The following SF3A1 variants were observed in gnomAD, a reference collection of about 807,000 sequenced individuals.
SF3A1 encodes splicing factor 3a subunit 1, also known as SAP 114.
Under a neutral mutation model 89.9 loss-of-function variants are expected in SF3A1, and 13 were observed. The observed-to-expected ratio is 0.14, with a 90% CI of 0.09 to 0.23. The LOEUF is 0.23. Among genes scored for constraint, SF3A1 ranks in the 10% least tolerant of loss-of-function variants. The pLI is 1.00. For missense variants in SF3A1, 604 were observed against 1,022.1 expected (o/e 0.59, Z 5.58); for synonymous variants, 405 against 374.4 (o/e 1.08, Z -0.94).
chr22:30,351,875 G>A (rs147424895), intron 2 of SF3A1, among the ~76,000 whole-genome samples: 5 of 152,358 alleles, frequency 3.3e-5, no homozygotes, highest in African/African-American at 9.6e-5. Context: ...TCTGTAGGCT[G>A]GACATGGACT....
At chr22:30,356,662 T>G (rs933220610) in intron 1 of SF3A1, 68 bp downstream of exon 1, 6 of 1,244,418 alleles carry the variant, frequency 4.8e-6, no homozygotes, top group African/African-American at 1.6e-5. Flanking sequence ...CGGCCGCTTA[T>G]TCCTGTGCGA....
chr22:30,342,131 C>T, intron 6 of SF3A1, 69 bp downstream of exon 6: 1 of 1,566,596 alleles, frequency 6.4e-7, no homozygotes, highest in South Asian at 1.1e-5. Flanking sequence ...TCTGGGAACA[C>T]CTGCACCAGG....
In SF3A1 at chr22:30,340,381, G is replaced by A. The variant is rs746885212; in HGVS notation, c.1190C>T (p.Ala397Val). 6.2e-7 allele frequency: 1 copy of A among 1,611,254 alleles called. No individual in the cohort carries two copies. The highest frequency in any genetic ancestry group is 8.5e-7 in the Non-Finnish European group (1 of 1,179,338). Residue 397 changes from alanine to valine, a missense_variant and splice_region_variant, in exon 9 of 16, where the codon GCC becomes GTC. Around this residue, in one of 9 missense-constraint regions of SF3A1, gnomAD observed 146 missense variants for 228.5 expected, o/e 0.64. Transcript: ENST00000215793. ...AGGGGCTGGAGGCAAGGGCTTGGAG[G>A]CTAAAAGGAAACAGATGTTTCAGTA... ...VIVRKDYDPK[A>V]SKPLPPAPAP...
At chr22:30,339,975 C>A (rs1007137200) in intron 9 of SF3A1, among the ~76,000 whole-genome samples, 1 of 152,204 alleles carries the variant, frequency 6.6e-6, no homozygotes, top group Non-Finnish European at 1.5e-5. Flanking sequence ...AGAGCTTGCT[C>A]TGGGATGTCA....
chr22:30,354,040 T>C (rs1931683666), intron 1 of SF3A1, among the ~76,000 whole-genome samples: 2 of 152,202 alleles, frequency 1.3e-5, no homozygotes, highest in Non-Finnish European at 2.9e-5. Context: ...TACTCCACTG[T>C]CTTAACCAAC....
At chr22:30,342,023 C>G (rs1390234289) in intron 6 of SF3A1, 138 bp from the exon 7 acceptor site, 1 of 1,146,128 alleles carries the variant, frequency 8.7e-7, no homozygotes, top group Non-Finnish European at 1.2e-6. Flanking sequence ...CTGGCAAGTA[C>G]GTATTGAATC....
chr22:30,341,869 G>A lies in SF3A1; in HGVS notation c.894C>T (p.Pro298=), dbSNP rs36085017. The A allele has an allele frequency of 3.7e-4, 591 of 1,612,726 alleles. 2 individuals carry two copies. The African/African-American group carries it at 6.7e-3, about 18-fold the overall frequency. Residue 298 remains proline (P), a synonymous_variant, in exon 7 of 16, where the codon CCC becomes CCT. Coordinates refer to ENST00000215793, the MANE Select transcript of SF3A1 (RefSeq NM_005877.6). The part of the protein sequence containing the change: ...QPNEQGNFPP[P]TTPEELGARI... ...GGGCCCCCAGCTCCTCTGGCGTGGT[G>A]GGGGGAGGGAAGTTCCCTAGAGGGT...
chr22:30,344,374 C>T (rs1050337324), intron 4 of SF3A1, among the ~76,000 whole-genome samples: 5 of 152,200 alleles, frequency 3.3e-5, no homozygotes, highest in Non-Finnish European at 7.3e-5. Context: ...CTCTCAACAC[C>T]TATTTAAATG....
intron 1 of SF3A1, among the ~76,000 whole-genome samples, chr22:30,353,650 T>C (rs1931668059): frequency 2.0e-5 from 3 of 152,196 alleles, no homozygotes; most frequent in Non-Finnish European, 4.4e-5. Context: ...GCTTACTTGA[T>C]CTATTATGAC....
At chr22:30,352,887 G>A in intron 2 of SF3A1, 64 bp downstream of exon 2, 1 of 1,588,162 alleles carries the variant, frequency 6.3e-7, no homozygotes, top group South Asian at 1.1e-5. Flanking sequence ...CCCTTGTGCT[G>A]ATTCAGTGCT....
rs1231533064 is a variant in SF3A1, at chr22:30,332,921, A to T, written c.*1673T>A. 1 of 152,284 alleles carries T rather than the reference A, an allele frequency of 6.6e-6. No individual in the cohort carries two copies. The highest frequency in any genetic ancestry group is 1.5e-5 in the Non-Finnish European group (1 of 68,090). 9.4% of individuals were successfully genotyped at this position (152,284 alleles called of 1,614,324 possible). A position where few individuals can be genotyped will look rare whatever the true frequency, so the allele number is the denominator to read the frequency against. The stretch of plus-strand genomic sequence containing the variant: ...ACACCATGAACTGCCCACTGCTCCC[A>T]GAAAGAAAGAAGAACTTGGAATATG... On this transcript the variant is annotated 3_prime_UTR_variant, in exon 16 of 16. Transcript: ENST00000215793.
chr22:30,344,915 C>G lies in SF3A1; in HGVS notation c.651+18G>C, dbSNP rs749083003. On this transcript the variant is annotated intron_variant, in intron 4 of 15. Transcript: ENST00000215793. The stretch of plus-strand genomic sequence containing the variant: ...CCTTTCCTGGGCCCAGGACCCCAGC[C>G]CCATCCTGCCCAGGCACCTTGGTGT... 2 of 1,610,206 alleles carry G rather than the reference C, an allele frequency of 1.2e-6. No homozygotes were observed. Among genetic ancestry groups the G allele is most frequent in the Admixed American group, 3.3e-5 (2 of 59,956 alleles).
At chr22:30,340,438 A>G in intron 8 of SF3A1, 57 bp from the exon 9 acceptor site, 1 of 1,550,098 alleles carries the variant, frequency 6.5e-7, no homozygotes, top group Admixed American at 1.8e-5. Flanking sequence ...CTGAGTTAAG[A>G]GGGTGGTATT....
Position 30,334,692 on chromosome 22 carries a change from T to C in SF3A1, c.2284A>G (p.Ile762Val). The change falls in exon 16 of 16, where the codon ATC becomes GTC. Residue 762 changes from isoleucine to valine, a missense_variant. This residue lies in a region of SF3A1 where 74 missense variants were observed against 141.3 expected (regional missense o/e 0.52). Transcript: ENST00000215793. Reference protein sequence around the residue: ...AGKQKLQYEGIFIKDSNSLAY... With the variant: ...AGKQKLQYEGVFIKDSNSLAY... ...AGTGAGTTGGAATCTTTGATGAAGA[T>C]ACCCTGGAAAACAGACAGCGTGCCT... is the stretch of plus-strand genomic sequence containing the variant. 1 of 1,597,794 alleles carries C rather than the reference T, an allele frequency of 6.3e-7. No homozygotes were observed. The highest frequency in any genetic ancestry group is 8.5e-7 in the Non-Finnish European group (1 of 1,173,422).
chr22:30,345,251 G>A, intron 3 of SF3A1, 61 bp from the exon 4 acceptor site: 2 of 1,521,426 alleles, frequency 1.3e-6, no homozygotes, highest in South Asian at 1.2e-5. Context: ...CAGGGGAGGG[G>A]AGGGGAGGGG....
In SF3A1 at chr22:30,342,314, G is replaced by A. The variant is rs1391087731; in HGVS notation, c.763C>T (p.Arg255Cys). The change falls in exon 6 of 16, where the codon CGT (arginine) becomes TGT (cysteine). Residue 255 changes from arginine (R) to cysteine (C), a missense_variant. By Grantham distance (180) the Arg-to-Cys change is radical. This residue lies in a region of SF3A1 where 162 missense variants were observed against 229.2 expected (regional missense o/e 0.71). Coordinates refer to ENST00000215793, the MANE Select transcript of SF3A1 (RefSeq NM_005877.6). ...YRVEWAKFQE[R>C]ERKKEEEEKE... is the part of the protein sequence containing the mutation. ...TCCTCTTCTTCCTTCTTCCTCTCACGTTCCTGGAATTTGGCCCATTCCACT... is the reference window on the plus strand; with the variant it reads ...TCCTCTTCTTCCTTCTTCCTCTCACATTCCTGGAATTTGGCCCATTCCACT... 3.7e-6 allele frequency: 6 copies of A among 1,613,078 alleles called. No homozygotes were observed. The highest frequency in any genetic ancestry group is 5.1e-6 in the Non-Finnish European group (6 of 1,179,622).
At chr22:30,347,521 T>C (rs1293428976) in intron 2 of SF3A1, among the ~76,000 whole-genome samples, 1 of 152,082 alleles carries the variant, frequency 6.6e-6, no homozygotes, top group African/African-American at 2.4e-5. Flanking sequence ...TCCCCAGATA[T>C]GCCCCATGTC....
At position 30,346,487 on chromosome 22, in the gene SF3A1, T is replaced by C; in HGVS notation, c.218A>G (p.Gln73Arg). The C allele has an allele frequency of 6.2e-7, 1 of 1,614,136 alleles. No homozygotes were observed. Among genetic ancestry groups the C allele is most frequent in the Non-Finnish European group, 8.5e-7 (1 of 1,180,014 alleles). ...NGPEFEARIR[Q>R]NEINNPKFNF... ...GAACTTGGGGTTGTTGATCTCGTTC[T>C]GTCGGATCCTAGCTTCAAATTCAGG... Residue 73 changes from glutamine to arginine, a missense_variant, in exon 3 of 16, where the codon CAG (glutamine) becomes CGG (arginine). By Grantham distance (43) the Gln-to-Arg change is conservative. Transcript: ENST00000215793.
intron 2 of SF3A1, among the ~76,000 whole-genome samples, chr22:30,349,321 C>T (rs9608887): frequency 0.018 from 2,759 of 152,324 alleles, 32 homozygotes; most frequent in East Asian, 0.032. Context: ...CGCTCCGTCA[C>T]CCAGGTGGGA....
Sources: allele counts gnomAD v4.1 joint callset (sites outside exome capture counted in the v4.1 genomes callset), GRCh38; gene constraint gnomAD v4.1.1; regional missense constraint gnomAD v4.1.1; transcripts MANE v1.5; gene names NCBI Gene and HGNC (gene_info 2026-07-23, HGNC 2026-07-21).